The following HS6ST3 variants were observed in gnomAD, a reference collection of about 807,000 sequenced individuals.
HS6ST3 encodes the protein heparan sulfate 6-O-sulfotransferase 3.
HS6ST3 carries 12 observed loss-of-function variants against 36.7 expected under a neutral mutation model. The observed-to-expected ratio is 0.33, with a 90% CI of 0.21 to 0.53. The LOEUF (loss-of-function observed/expected upper bound fraction) is 0.53, where lower values mean the gene tolerates loss of function less well. Ranked by LOEUF, HS6ST3 falls within the 20% of genes least tolerant of loss-of-function variation. The pLI is 0.95. For missense variants in HS6ST3, 584 were observed against 640.9 expected (o/e 0.91, Z 0.96); for synonymous variants, 240 against 257.5 (o/e 0.93, Z 0.65).
intron 1 of HS6ST3, among the ~76,000 whole-genome samples, chr13:96,218,731 T>C (rs1594720411): frequency 6.6e-6 from 1 of 152,258 alleles, no homozygotes; most frequent in East Asian, 1.9e-4. Context: ...TAGTGGATGC[T>C]GTTTGCTGCT....
At chr13:96,476,136 GTTAAAT>G (rs1370847238) in intron 1 of HS6ST3, among the ~76,000 whole-genome samples, 1 of 152,158 alleles carries the variant, frequency 6.6e-6, no homozygotes, top group Non-Finnish European at 1.5e-5. Flanking sequence ...GGTGAAAGGT[GTTAAAT>G]TTAAGGAATA....
At chr13:96,298,928 T>C (rs1282511398) in intron 1 of HS6ST3, among the ~76,000 whole-genome samples, 1 of 152,190 alleles carries the variant, frequency 6.6e-6, no homozygotes, top group Non-Finnish European at 1.5e-5. Context: ...CAATATCCTT[T>C]TTAAATTTGT....
At chr13:96,599,421 A>C (rs1032784477) in intron 1 of HS6ST3, among the ~76,000 whole-genome samples, 1 of 152,038 alleles carries the variant, frequency 6.6e-6, no homozygotes, top group Non-Finnish European at 1.5e-5. Context: ...CCTAGTGTGC[A>C]CGTATATGAG....
intron 1 of HS6ST3, among the ~76,000 whole-genome samples, chr13:96,469,562 G>A (rs779301630): frequency 6.6e-6 from 1 of 152,162 alleles, no homozygotes; most frequent in Non-Finnish European, 1.5e-5. Flanking sequence ...AGTTTCAGGA[G>A]CAAAAGTAGC....
At chr13:96,479,798 G>A (rs1294743971) in intron 1 of HS6ST3, among the ~76,000 whole-genome samples, 4 of 152,000 alleles carry the variant, frequency 2.6e-5, no homozygotes, top group African/African-American at 9.7e-5. Context: ...AACTCTTTTG[G>A]GCACTCGTCC....
intron 1 of HS6ST3, among the ~76,000 whole-genome samples, chr13:96,596,761 G>C (rs1280694960): frequency 6.6e-6 from 1 of 152,130 alleles, no homozygotes; most frequent in African/African-American, 2.4e-5. Flanking sequence ...AGTTATTGTG[G>C]AAGACAGTGT....
At chr13:96,348,048 A>T (rs1172592815) in intron 1 of HS6ST3, among the ~76,000 whole-genome samples, 3 of 152,204 alleles carry the variant, frequency 2.0e-5, no homozygotes, top group Non-Finnish European at 4.4e-5. Context: ...ATATTTTTTG[A>T]ATAAATTTAA....
At chr13:96,163,381 C>A (rs893281692) in intron 1 of HS6ST3, among the ~76,000 whole-genome samples, 2 of 151,970 alleles carry the variant, frequency 1.3e-5, no homozygotes, top group Non-Finnish European at 2.9e-5. Context: ...AGGCGCCCAC[C>A]ACCATGCCTG....
chr13:96,523,002 G>A (rs2056099766), intron 1 of HS6ST3, among the ~76,000 whole-genome samples: 1 of 152,140 alleles, frequency 6.6e-6, no homozygotes, highest in African/African-American at 2.4e-5. Context: ...GCTGGTACCG[G>A]TTGTTCCTTT....
At chr13:96,601,549 C>T (rs1825539075) in intron 1 of HS6ST3, among the ~76,000 whole-genome samples, 1 of 151,892 alleles carries the variant, frequency 6.6e-6, no homozygotes, top group African/African-American at 2.4e-5. Flanking sequence ...TTGGTTTTAA[C>T]TTTCTCTTGG....
intron 1 of HS6ST3, among the ~76,000 whole-genome samples, chr13:96,804,282 G>C (rs1449699142): frequency 3.9e-5 from 6 of 152,200 alleles, no homozygotes. Flanking sequence ...TCTCTATAGA[G>C]AAATGTGGTG....
At chr13:96,312,715 G>A (rs1372754505) in intron 1 of HS6ST3, among the ~76,000 whole-genome samples, 1 of 152,036 alleles carries the variant, frequency 6.6e-6, no homozygotes, top group Non-Finnish European at 1.5e-5. Flanking sequence ...ACTTTGGGAG[G>A]CTGAGTCGGG....
intron 1 of HS6ST3, among the ~76,000 whole-genome samples, chr13:96,741,111 A>G (rs918771611): frequency 1.3e-5 from 2 of 152,196 alleles, no homozygotes; most frequent in African/African-American, 2.4e-5. Context: ...ATTTACTGCC[A>G]CCAGAAATGT....
intron 1 of HS6ST3, among the ~76,000 whole-genome samples, chr13:96,475,066 G>A (rs1193268703): frequency 1.3e-5 from 2 of 151,552 alleles, no homozygotes; most frequent in South Asian, 4.1e-4. Flanking sequence ...TCTCACCAGT[G>A]AGGCTACTTT....
chr13:96,337,228 G>A (rs1289901537), intron 1 of HS6ST3, among the ~76,000 whole-genome samples: 4 of 151,934 alleles, frequency 2.6e-5, no homozygotes, highest in Admixed American at 2.0e-4. Context: ...CACCATGCCC[G>A]GCTAATTTTT....
rs758891291 is a variant in HS6ST3 at position 96,832,961 on chromosome 13, C to T, written c.1179C>T (p.Ala393=). The T allele has an allele frequency of 6.2e-7, 1 of 1,614,150 alleles. No individual in the cohort carries two copies. Among genetic ancestry groups the T allele is most frequent in the South Asian group, 1.1e-5 (1 of 91,082 alleles). ...RASNVEINEG[A]RQRIEDLNFL... ...CTAACGTGGAGATCAACGAGGGTGC[C>T]CGCCAACGCATTGAGGATCTAAACT... The change falls in exon 2 of 2, where the codon GCC becomes GCT. Residue 393 remains alanine (A), a synonymous_variant. Transcript: ENST00000376705.
At chr13:96,595,040 T>G (rs2056396480) in intron 1 of HS6ST3, among the ~76,000 whole-genome samples, 1 of 152,142 alleles carries the variant, frequency 6.6e-6, no homozygotes, top group Non-Finnish European at 1.5e-5. Context: ...TTTGTTGTTT[T>G]TGTTTTTGTT....
rs567890118 is a variant in HS6ST3 at position 96,167,378 on chromosome 13, T to C, written c.707+75809T>C. Among the ~76,000 whole-genome samples, 3 of 152,308 alleles carry C rather than the reference T, an allele frequency of 2.0e-5. No homozygotes were observed. The South Asian group carries it at 6.2e-4, about 32-fold the overall frequency. On this transcript the variant is annotated intron_variant, in intron 1 of 1. Transcript: ENST00000376705. ...TGCCAGAGTTATTTCTCCACAGCAATCATAATTCCAGTGTTTGTTCAGGAG... is the reference window on the plus strand; with the variant it reads ...TGCCAGAGTTATTTCTCCACAGCAACCATAATTCCAGTGTTTGTTCAGGAG...
chr13:96,670,256 G>C (rs78532837), intron 1 of HS6ST3, among the ~76,000 whole-genome samples: 7 of 152,144 alleles, frequency 4.6e-5, no homozygotes, highest in African/African-American at 7.2e-5. Flanking sequence ...GGTTGAGTGA[G>C]AGGAGGTTCT....
Sources: allele counts gnomAD v4.1 joint callset (sites outside exome capture counted in the v4.1 genomes callset), GRCh38; gene constraint gnomAD v4.1.1; transcripts MANE v1.5; gene names NCBI Gene and HGNC (gene_info 2026-07-23, HGNC 2026-07-21).